ANOS1: variants seen among roughly 807,000 people sequenced by gnomAD.
ANOS1 encodes the protein anosmin 1.
In ANOS1, 6 loss-of-function variants were observed where a neutral mutation model predicts 59.0. The ratio of observed to expected loss-of-function variants is 0.10; its 90% CI spans 0.06 to 0.20. The LOEUF is 0.20. Among genes scored for constraint, ANOS1 ranks in the 10% least tolerant of loss-of-function variants. ANOS1 has a pLI of 1.00. For missense variants in ANOS1, 433 were observed against 542.3 expected, an observed-to-expected ratio of 0.80 and a Z score of 2.00; for synonymous variants, 217 against 223.4, an observed-to-expected ratio of 0.97 and a Z score of 0.25.
At chrX:8,577,233 A>G (rs1930344577) in intron 6 of ANOS1, among the ~76,000 whole-genome samples, 1 of 111,758 alleles carries the variant, frequency 8.9e-6, no homozygotes, top group Non-Finnish European at 1.9e-5. Context: ...TGTTAACATT[A>G]TTGTTCTTAT....
At position 8,631,240 on chromosome X, in the gene ANOS1, GTTTCT is replaced by G. The variant is rs1461575114; in HGVS notation, c.256-7575_256-7571del. 4.5e-5 allele frequency among the ~76,000 whole-genome samples: 5 copies of G among 112,208 alleles called. No homozygotes were observed. The East Asian group carries it at 8.4e-4, about 19-fold the overall frequency. On this transcript the variant is annotated intron_variant, in intron 2 of 13. Coordinates refer to ENST00000262648, the MANE Select transcript of ANOS1 (RefSeq NM_000216.4). ...TTAAAGCTAATGATGGCATTTATAA[GTTTCT>G]TTTGTCTTTCTCTCTCATCATTAAT...
rs1174065260 is a variant in ANOS1, at chrX:8,545,081, A to G, written c.1355-5323T>C. Among the ~76,000 whole-genome samples the G allele has an allele frequency of 2.9e-5, 3 of 103,488 alleles. No homozygotes were observed. In the East Asian group the frequency reaches 9.0e-4, roughly 31 times the overall value. The allele number at this position is 103,488 out of a possible 115,157, so 89.9% of individuals were successfully genotyped here. A position where few individuals can be genotyped will look rare whatever the true frequency, so the allele number is the denominator to read the frequency against. ...AACTCCAAAAAAAAAAAAAAAAAAAAAAGAAAAGAAGAGAAAAGAAAATTA... is the reference window on the plus strand; with the variant it reads ...AACTCCAAAAAAAAAAAAAAAAAAAGAAGAAAAGAAGAGAAAAGAAAATTA... On this transcript the variant is annotated intron_variant, in intron 9 of 13. Transcript: ENST00000262648.
At chrX:8,705,548 C>T (rs1479690542) in intron 1 of ANOS1, among the ~76,000 whole-genome samples, 1 of 111,409 alleles carries the variant, frequency 9.0e-6, no homozygotes, top group Non-Finnish European at 1.9e-5. Flanking sequence ...ATCAGGGATG[C>T]CAATAAACCC....
rs2146827048 is a variant in ANOS1 at position 8,597,097 on chromosome X, C to T, written c.478G>A (p.Val160Met). The T allele has an allele frequency of 8.3e-7, 1 of 1,209,448 alleles. No homozygotes were observed. The highest frequency in any genetic ancestry group is 3.0e-5 in the East Asian group (1 of 33,707). Residue 160 changes from valine to methionine, a missense_variant, in exon 4 of 14, where the codon GTG (valine) becomes ATG (methionine). Val to Met is a conservative substitution (Grantham distance 21). Coordinates refer to ENST00000262648, the MANE Select transcript of ANOS1 (RefSeq NM_000216.4). ...SCEVDNECSG[V>M]KKCCSNGCGH... Reference sequence around the variant, plus strand: ...CACCCATTCGAACAACATTTCTTCACCCCAGAGCACTCATTGTCAACTTCG... The same window carrying T: ...CACCCATTCGAACAACATTTCTTCATCCCAGAGCACTCATTGTCAACTTCG...
At chrX:8,705,293 G>GTT (rs1932774514) in intron 1 of ANOS1, among the ~76,000 whole-genome samples, 1 of 111,696 alleles carries the variant, frequency 9.0e-6, no homozygotes, top group Non-Finnish European at 1.9e-5. Context: ...TATTTGTGAG[G>GTT]TTTTTCCACA....
chrX:8,725,197 C>T (rs1038125623), intron 1 of ANOS1, among the ~76,000 whole-genome samples: 12 of 110,929 alleles, frequency 1.1e-4, no homozygotes, highest in African/African-American at 3.9e-4. Context: ...ACCTCTCTTC[C>T]CCCCAAAATG....
At position 8,671,155 on chromosome X, in the gene ANOS1, T is replaced by A. The variant is rs571865820; in HGVS notation, c.255+28543A>T. Among the ~76,000 whole-genome samples the A allele has an allele frequency of 8.9e-4, 100 of 111,831 alleles. 1 individual carries two copies. The highest frequency in any genetic ancestry group is 6.8e-3 in the South Asian group (18 of 2,660). ...CTCTCTGGCTTCCATCACTGCACTT[T>A]ATACAGAATATAAAAGACTTGATCC... On this transcript the variant is annotated intron_variant, in intron 2 of 13. Coordinates refer to ENST00000262648, the MANE Select transcript of ANOS1 (RefSeq NM_000216.4).
chrX:8,654,300 C>G (rs1031754580), intron 2 of ANOS1, among the ~76,000 whole-genome samples: 5 of 111,812 alleles, frequency 4.5e-5, no homozygotes, highest in African/African-American at 1.6e-4. Flanking sequence ...TACGAATGTT[C>G]CCCAGCAAAG....
At chrX:8,721,025 G>A (rs188917731) in intron 1 of ANOS1, among the ~76,000 whole-genome samples, 4 of 112,068 alleles carry the variant, frequency 3.6e-5, no homozygotes, top group African/African-American at 9.7e-5. Flanking sequence ...CCTGAAAGAC[G>A]GTTGTGTTTT....
At chrX:8,612,612 G>A (rs747390532) in intron 3 of ANOS1, among the ~76,000 whole-genome samples, 1 of 100,802 alleles carries the variant, frequency 9.9e-6, no homozygotes, top group Non-Finnish European at 2.0e-5. Context: ...GATGAATCAA[G>A]AAAAAGTAGA....
At chrX:8,667,380 C>T (rs1169176954) in intron 2 of ANOS1, among the ~76,000 whole-genome samples, 4 of 110,758 alleles carry the variant, frequency 3.6e-5, no homozygotes, top group Non-Finnish European at 7.5e-5. Flanking sequence ...AGCATGGACT[C>T]AAACTCCTGG....
chrX:8,614,926 TA>T (rs1465418331), intron 3 of ANOS1, among the ~76,000 whole-genome samples: 1 of 50,355 alleles, frequency 2.0e-5, no homozygotes, highest in Non-Finnish European at 4.2e-5. Context: ...TCTCAGTGCT[TA>T]AAAAGGAAAA....
At chrX:8,655,017 C>A (rs1298327722) in intron 2 of ANOS1, among the ~76,000 whole-genome samples, 3 of 110,814 alleles carry the variant, frequency 2.7e-5, no homozygotes, top group African/African-American at 9.9e-5. Flanking sequence ...CTTTTTAGCA[C>A]CAGGATCTGG....
chrX:8,586,021 C>T (rs888047441), intron 5 of ANOS1, among the ~76,000 whole-genome samples: 1 of 112,296 alleles, frequency 8.9e-6, no homozygotes, highest in African/African-American at 3.2e-5. Flanking sequence ...GTCTCTAGTG[C>T]TACAATTTTA....
At chrX:8,558,076 A>G (rs780744443) in intron 8 of ANOS1, among the ~76,000 whole-genome samples, 7 of 110,689 alleles carry the variant, frequency 6.3e-5, no homozygotes, top group African/African-American at 2.3e-4. Context: ...GCAGGAACAG[A>G]AAACTAAACA....
chrX:8,726,187 ATTGT>A (rs1446866362), intron 1 of ANOS1, among the ~76,000 whole-genome samples: 4 of 111,356 alleles, frequency 3.6e-5, no homozygotes, highest in African/African-American at 9.8e-5. Flanking sequence ...TGATGCGCTA[ATTGT>A]TTGTTTACTT....
chrX:8,597,828 T>C (rs1930771337), intron 3 of ANOS1, among the ~76,000 whole-genome samples: 1 of 108,791 alleles, frequency 9.2e-6, no homozygotes, highest in South Asian at 4.1e-4. Context: ...CACACCACCA[T>C]CCCTGGCTAA....
chrX:8,541,409 ACC>A (rs145095073), intron 9 of ANOS1, among the ~76,000 whole-genome samples: 8 of 78,185 alleles, frequency 1.0e-4, no homozygotes, highest in Non-Finnish European at 1.2e-4. Context: ...GTCTCCCACC[ACC>A]CCCCCCCCAA....
chrX:8,533,914 A>G (rs1451999767), intron 13 of ANOS1, among the ~76,000 whole-genome samples: 1 of 110,021 alleles, frequency 9.1e-6, no homozygotes, highest in Non-Finnish European at 1.9e-5. Flanking sequence ...TTAAAAGACA[A>G]GGAAAAAAGC....
Sources: allele counts gnomAD v4.1 joint callset (sites outside exome capture counted in the v4.1 genomes callset), GRCh38; gene constraint gnomAD v4.1.1; transcripts MANE v1.5; gene names NCBI Gene and HGNC (gene_info 2026-07-23, HGNC 2026-07-21).